Variants in CNTNAP4 observed in about 807,000 individuals in gnomAD.
The protein encoded by CNTNAP4 is contactin-associated protein-like 4.
Under a neutral mutation model 148.4 loss-of-function variants are expected in CNTNAP4, and 98 were observed. The observed-to-expected ratio is 0.66, with a 90% CI of 0.56 to 0.78. CNTNAP4 has a LOEUF of 0.78. CNTNAP4 is among the 30% of genes least tolerant of loss of function. The probability of loss-of-function intolerance (pLI) is 0.00; values close to 1 mark genes in which losing one functional copy is unlikely to be tolerated. For missense variants in CNTNAP4, 1,935 were observed against 1,565.6 expected (o/e 1.24, Z -3.98); for synonymous variants, 730 against 565.1 (o/e 1.29, Z -4.14).
At chr16:76,358,848 G>GTA (rs35234186) in intron 3 of CNTNAP4, among the ~76,000 whole-genome samples, 39,471 of 151,240 alleles carry the variant, frequency 0.26, 5,442 homozygotes, top group East Asian at 0.41. Context: ...GTATGTGTGT[G>GTA]TATATATATA....
intron 17 of CNTNAP4, among the ~76,000 whole-genome samples, chr16:76,527,390 G>A (rs1335432867): frequency 1.3e-5 from 2 of 152,044 alleles, no homozygotes; most frequent in African/African-American, 2.4e-5. Context: ...TTGATTTTCT[G>A]GTTACAGTTT....
intron 1 of CNTNAP4, chr16:76,309,852 C>T (rs1451577024): frequency 5.7e-6 from 4 of 701,004 alleles, no homozygotes; most frequent in African/African-American, 5.2e-5. Context: ...TTGCTGCTTC[C>T]TCATTTTCTC....
At chr16:76,295,925 C>G (rs1162983361) in intron 1 of CNTNAP4, among the ~76,000 whole-genome samples, 1 of 152,182 alleles carries the variant, frequency 6.6e-6, no homozygotes, top group Admixed American at 6.5e-5. Context: ...TCCAGCGATT[C>G]TCCTGCCTCA....
intron 12 of CNTNAP4, among the ~76,000 whole-genome samples, chr16:76,481,946 T>C (rs1428995554): frequency 2.0e-5 from 3 of 151,974 alleles, no homozygotes; most frequent in African/African-American, 4.8e-5. Context: ...ATGACAATGT[T>C]GTAAGACCTT....
At chr16:76,382,895 A>G (rs758440446) in intron 3 of CNTNAP4, among the ~76,000 whole-genome samples, 1 of 152,210 alleles carries the variant, frequency 6.6e-6, no homozygotes, top group East Asian at 1.9e-4. Context: ...AGTGATGTCA[A>G]AAGGACTCAG....
chr16:76,541,221 T>C (rs1414681182), intron 21 of CNTNAP4, among the ~76,000 whole-genome samples: 1 of 152,246 alleles, frequency 6.6e-6, no homozygotes, highest in Non-Finnish European at 1.5e-5. Flanking sequence ...TTAATATGTT[T>C]CAGGTTATGA....
Position 76,560,335 on chromosome 16 carries a change from T to C in CNTNAP4, c.*1652T>C, listed in dbSNP as rs769432539. On this transcript the variant is annotated 3_prime_UTR_variant, in exon 24 of 24. Transcript: ENST00000611870. The stretch of plus-strand genomic sequence containing the variant: ...TTTTCTCATAGCACTATATCCATAT[T>C]GATGTTTCTGCAAATGCCTGACTAA... Among the ~76,000 whole-genome samples the C allele has an allele frequency of 6.6e-6, 1 of 152,216 alleles. No homozygotes were observed. The highest frequency in any genetic ancestry group is 2.4e-5 in the African/African-American group (1 of 41,466).
chr16:76,293,496 C>A (rs1959173516), intron 1 of CNTNAP4, among the ~76,000 whole-genome samples: 1 of 152,078 alleles, frequency 6.6e-6, no homozygotes, highest in African/African-American at 2.4e-5. Flanking sequence ...ATCTACCTGT[C>A]TATTTACTTG....
At position 76,410,512 on chromosome 16, in the gene CNTNAP4, G is replaced by C. The variant is rs184942293; in HGVS notation, c.391-16940G>C. 7.0e-4 allele frequency among the ~76,000 whole-genome samples: 107 copies of C among 151,788 alleles called. 1 individual carries two copies. The highest frequency in any genetic ancestry group is 6.9e-3 in the Admixed American group (104 of 15,182). ...TTCAAAAGGTAATGCAAGTGGGCAG[G>C]TGTTATTATTGATTGAAATAAGCAG... On this transcript the variant is annotated intron_variant, in intron 3 of 23. Transcript: ENST00000611870.
intron 1 of CNTNAP4, among the ~76,000 whole-genome samples, chr16:76,284,163 G>T (rs1021837400): frequency 2.6e-5 from 4 of 152,020 alleles, no homozygotes; most frequent in African/African-American, 9.6e-5. Flanking sequence ...TGATAGGGAA[G>T]GGTTGACCCA....
chr16:76,313,713 G>A lies in CNTNAP4; in HGVS notation c.86-2700G>A, dbSNP rs181728875. ...CTTGAAAAGTAAAATGCTACCTCAG[G>A]TAAGCTCTTGGGAAAGGCATTCAAG... is the stretch of plus-strand genomic sequence containing the variant. On this transcript the variant is annotated intron_variant, in intron 1 of 23. Coordinates refer to ENST00000611870, the MANE Select transcript of CNTNAP4 (RefSeq NM_033401.5). 8.1e-4 allele frequency among the ~76,000 whole-genome samples: 123 copies of A among 152,182 alleles called. 1 individual carries two copies. The highest frequency in any genetic ancestry group is 2.8e-3 in the African/African-American group (116 of 41,536).
intron 4 of CNTNAP4, among the ~76,000 whole-genome samples, chr16:76,442,376 A>G (rs2080078226): frequency 6.6e-6 from 1 of 152,134 alleles, no homozygotes; most frequent in South Asian, 2.1e-4. Flanking sequence ...TTAAGAGACT[A>G]TGTTTGTGGT....
At chr16:76,301,172 T>C (rs1003233748) in intron 1 of CNTNAP4, among the ~76,000 whole-genome samples, 3 of 152,126 alleles carry the variant, frequency 2.0e-5, no homozygotes, top group Admixed American at 1.3e-4. Context: ...CATTTTTGAA[T>C]GAGACTGTTG....
At chr16:76,359,995 A>G (rs977860422) in intron 3 of CNTNAP4, among the ~76,000 whole-genome samples, 7 of 152,368 alleles carry the variant, frequency 4.6e-5, no homozygotes, top group African/African-American at 1.4e-4. Flanking sequence ...ACTGCAGACT[A>G]CAAGGGCAAT....
chr16:76,456,139 A>G (rs1341902246), intron 8 of CNTNAP4, among the ~76,000 whole-genome samples: 1 of 152,166 alleles, frequency 6.6e-6, no homozygotes, highest in African/African-American at 2.4e-5. Flanking sequence ...TTTCCATCCA[A>G]AGACTGCAAT....
intron 8 of CNTNAP4, among the ~76,000 whole-genome samples, chr16:76,455,150 C>T (rs1385287926): frequency 6.6e-6 from 1 of 152,136 alleles, no homozygotes; most frequent in Non-Finnish European, 1.5e-5. Flanking sequence ...TCCCTTATGA[C>T]ACAAAATATT....
In CNTNAP4 at chr16:76,520,845, A is replaced by C. The variant is rs530242855; in HGVS notation, c.2366-295A>C. On this transcript the variant is annotated intron_variant, in intron 15 of 23. Coordinates refer to ENST00000611870, the MANE Select transcript of CNTNAP4 (RefSeq NM_033401.5). ...ATAATATCACTTTGGTGGAGGATATACTATTGAGGCTGAGGATATTTGTTC... is the reference window on the plus strand; with the variant it reads ...ATAATATCACTTTGGTGGAGGATATCCTATTGAGGCTGAGGATATTTGTTC... 2.6e-4 allele frequency among the ~76,000 whole-genome samples: 39 copies of C among 152,304 alleles called. No homozygotes were observed. The Middle Eastern group carries it at 0.01, about 40-fold the overall frequency.
chr16:76,469,639 C>G lies in CNTNAP4; in HGVS notation c.1655+2116C>G, dbSNP rs1457505518. 2.0e-5 allele frequency: 3 copies of G among 152,198 alleles called. No homozygotes were observed. In the East Asian group the frequency reaches 5.8e-4, roughly 29 times the overall value. 9.4% of individuals were successfully genotyped at this position (152,198 alleles called of 1,614,324 possible). The stretch of plus-strand genomic sequence containing the variant: ...ATGTCACACAAGGACTCCCGGTTGC[C>G]TACTTTCTGAAGGTACATACTTTCT... On this transcript the variant is annotated intron_variant, in intron 10 of 23. Coordinates refer to ENST00000611870, the MANE Select transcript of CNTNAP4 (RefSeq NM_033401.5).
chr16:76,405,604 C>T (rs1429783244), intron 3 of CNTNAP4, among the ~76,000 whole-genome samples: 1 of 152,060 alleles, frequency 6.6e-6, no homozygotes, highest in African/African-American at 2.4e-5. Context: ...TCTTCATTAA[C>T]TAGAAGTGAG....
Sources: gnomAD v4.1 joint callset for allele counts (sites outside exome capture counted in the v4.1 genomes callset) on GRCh38, gnomAD v4.1.1 for gene constraint, MANE v1.5 for transcripts, NCBI Gene and HGNC (gene_info 2026-07-23, HGNC 2026-07-21) for gene names.